Variants in SDK1 observed in about 807,000 individuals in gnomAD.
The protein encoded by SDK1 is sidekick cell adhesion molecule 1, also known as protein sidekick-1.
Under a neutral mutation model 245.5 loss-of-function variants are expected in SDK1, and 157 were observed. That is an observed-to-expected ratio of 0.64 (90% CI 0.56 to 0.73). SDK1 has a LOEUF of 0.73. Ranked by LOEUF, SDK1 falls within the 30% of genes least tolerant of loss-of-function variation. The probability of loss-of-function intolerance (pLI) is 0.00; values close to 1 mark genes in which losing one functional copy is unlikely to be tolerated. For missense variants in SDK1, 3,583 were observed against 3,002.3 expected, an observed-to-expected ratio of 1.19 and a Z score of -4.52; for synonymous variants, 1,647 against 1,278.5, an observed-to-expected ratio of 1.29 and a Z score of -6.15.
At chr7:3,889,557 G>C (rs939381875) in intron 5 of SDK1, among the ~76,000 whole-genome samples, 2 of 152,136 alleles carry the variant, frequency 1.3e-5, no homozygotes, top group Admixed American at 6.5e-5. Context: ...ACCCAGGCTG[G>C]AGTGCAGAGG....
intron 5 of SDK1, among the ~76,000 whole-genome samples, chr7:3,950,365 C>CGA (rs1185537401): frequency 6.6e-6 from 1 of 152,226 alleles, no homozygotes; most frequent in Non-Finnish European, 1.5e-5. Context: ...CCGATCATCC[C>CGA]ATCTTCTATC....
intron 5 of SDK1, among the ~76,000 whole-genome samples, chr7:3,859,314 T>G (rs929953297): frequency 6.6e-6 from 1 of 152,168 alleles, no homozygotes; most frequent in African/African-American, 2.4e-5. Flanking sequence ...GGGCCTTTGC[T>G]CATGGCTTGA....
chr7:3,967,201 T>A, intron 9 of SDK1, 117 bp from the exon 10 acceptor site: 1 of 769,276 alleles, frequency 1.3e-6, no homozygotes, highest in East Asian at 2.5e-5. Context: ...ATTCCTTTTG[T>A]ATTGCTACAG....
intron 5 of SDK1, among the ~76,000 whole-genome samples, chr7:3,833,992 T>C (rs1166177117): frequency 2.0e-5 from 3 of 152,190 alleles, no homozygotes; most frequent in African/African-American, 7.2e-5. Context: ...CTACAGATTT[T>C]GAATATCATC....
At chr7:4,177,875 G>C (rs956758596) in intron 34 of SDK1, among the ~76,000 whole-genome samples, 8 of 152,222 alleles carry the variant, frequency 5.3e-5, no homozygotes, top group Non-Finnish European at 1.2e-4. Flanking sequence ...CTTGGGGGGA[G>C]GGGAGACAGC....
intron 1 of SDK1, among the ~76,000 whole-genome samples, chr7:3,311,335 G>A (rs770068725): frequency 2.6e-5 from 4 of 152,132 alleles, no homozygotes; most frequent in Non-Finnish European, 5.9e-5. Flanking sequence ...AAGGCCATTG[G>A]ATTTGTTGAT....
intron 38 of SDK1, among the ~76,000 whole-genome samples, chr7:4,217,861 T>C (rs937995324): frequency 6.6e-6 from 1 of 152,160 alleles, no homozygotes; most frequent in Non-Finnish European, 1.5e-5. Flanking sequence ...TCCTGTGGGA[T>C]AGAATTTACA....
At chr7:3,416,463 CT>C (rs5881982) in intron 1 of SDK1, among the ~76,000 whole-genome samples, 55,702 of 132,214 alleles carry the variant, frequency 0.42, 10,555 homozygotes, top group East Asian at 0.52. Context: ...GGCTTTCGTT[CT>C]TTTTTTTTTT....
At chr7:3,753,071 C>T (rs1273301464) in intron 4 of SDK1, among the ~76,000 whole-genome samples, 2 of 152,114 alleles carry the variant, frequency 1.3e-5, no homozygotes, top group Non-Finnish European at 1.5e-5. Context: ...TTTCAATGTA[C>T]TGCCATCACA....
intron 2 of SDK1, among the ~76,000 whole-genome samples, chr7:3,637,037 CT>C (rs202088327): frequency 5.3e-5 from 8 of 150,216 alleles, no homozygotes; most frequent in African/African-American, 7.4e-5. Flanking sequence ...TTTTTTTAAG[CT>C]TTTTTTTCCT....
chr7:4,217,335 G>T (rs1369726328), intron 38 of SDK1, among the ~76,000 whole-genome samples: 5 of 123,806 alleles, frequency 4.0e-5, no homozygotes, highest in Non-Finnish European at 8.6e-5. Context: ...AGGCCACCCG[G>T]AGAACCACGC....
At chr7:3,703,749 T>C (rs1784806664) in intron 4 of SDK1, among the ~76,000 whole-genome samples, 1 of 152,246 alleles carries the variant, frequency 6.6e-6, no homozygotes. Context: ...GTTTTTTTCC[T>C]TGAAAAAGGA....
Position 3,939,292 on chromosome 7 carries a change from A to G in SDK1, c.848-11631A>G, listed in dbSNP as rs529382989. Among the ~76,000 whole-genome samples, 7 of 152,360 alleles carry G rather than the reference A, an allele frequency of 4.6e-5. No individual in the cohort carries two copies. In the East Asian group the frequency reaches 1.2e-3, roughly 25 times the overall value. On this transcript the variant is annotated intron_variant, in intron 5 of 44. Transcript: ENST00000404826. ...GGCATTCGTGATTGCCTTCTGGATG[A>G]TGAACTATAAAGGAGGCAGCTCTTA...
chr7:3,941,035 G>C (rs998320182), intron 5 of SDK1, among the ~76,000 whole-genome samples: 1 of 151,706 alleles, frequency 6.6e-6, no homozygotes, highest in Admixed American at 6.6e-5. Flanking sequence ...TCTCCCTCCT[G>C]ACCCACCAGC....
chr7:3,329,099 G>C (rs1329698215), intron 1 of SDK1, among the ~76,000 whole-genome samples: 1 of 152,012 alleles, frequency 6.6e-6, no homozygotes, highest in Non-Finnish European at 1.5e-5. Flanking sequence ...GTCTTTAAAT[G>C]CATTTTTCAT....
chr7:3,967,428 A>C lies in SDK1; in HGVS notation c.1540A>C (p.Lys514Gln). 1 of 1,605,932 alleles carries C rather than the reference A, an allele frequency of 6.2e-7. No homozygotes were observed. The highest frequency in any genetic ancestry group is 1.1e-5 in the South Asian group (1 of 90,904). The change falls in exon 10 of 45, where the codon AAA becomes CAA. Residue 514 changes from lysine to glutamine, a missense_variant. Physicochemically the swap from Lys to Gln is moderately conservative, Grantham distance 53. Transcript: ENST00000404826. ...GGCTCCCAAACCCGCCATCACCTGG[A>C]AAAGAGGTGGGTAGCATCCACTGCC... ...SGAPKPAITW[K>Q]RENHILASGS... is the part of the protein sequence containing the mutation.
intron 17 of SDK1, among the ~76,000 whole-genome samples, chr7:4,047,255 A>G (rs1789088570): frequency 6.6e-6 from 1 of 152,104 alleles, no homozygotes; most frequent in African/African-American, 2.4e-5. Context: ...AGATGTTCAT[A>G]TGTTTTTCTA....
intron 1 of SDK1, among the ~76,000 whole-genome samples, chr7:3,486,246 C>G (rs1160359736): frequency 6.7e-6 from 1 of 148,874 alleles, no homozygotes; most frequent in Non-Finnish European, 1.5e-5. Flanking sequence ...AATTTTAAAT[C>G]TTTAATATCT....
chr7:3,754,683 G>T (rs889597359), intron 4 of SDK1, among the ~76,000 whole-genome samples: 1 of 152,208 alleles, frequency 6.6e-6, no homozygotes, highest in Non-Finnish European at 1.5e-5. Flanking sequence ...TAAGGGGAAG[G>T]GGGGTGGGGG....
Sources: gnomAD v4.1 joint callset for allele counts (sites outside exome capture counted in the v4.1 genomes callset) on GRCh38, gnomAD v4.1.1 for gene constraint, MANE v1.5 for transcripts, NCBI Gene and HGNC (gene_info 2026-07-23, HGNC 2026-07-21) for gene names.